Variants in MDM1 observed in about 807,000 individuals in gnomAD.
MDM1 encodes Mdm1 nuclear protein.
In MDM1, 61 loss-of-function variants were observed where a neutral mutation model predicts 89.1. That is an observed-to-expected ratio of 0.68 (90% confidence interval 0.56 to 0.85). MDM1 has a LOEUF of 0.85. Ranked by LOEUF, MDM1 falls within the 40% of genes least tolerant of loss-of-function variation. The probability of loss-of-function intolerance (pLI) is 0.00; values close to 1 mark genes in which losing one functional copy is unlikely to be tolerated. For missense variants in MDM1, 820 were observed against 846.5 expected (o/e 0.97, Z 0.39); for synonymous variants, 290 against 294.1 (o/e 0.99, Z 0.14).
Position 68,332,263 on chromosome 12 carries a change from C to T in MDM1, c.-18G>A, listed in dbSNP as rs1465171558. On this transcript the variant is annotated 5_prime_UTR_variant, in exon 1 of 15. Coordinates refer to ENST00000682720, the MANE Select transcript of MDM1 (RefSeq NM_001354969.2). ...ACCGGCATGTCGCCCGGCGCCGGAG[C>T]CCCCGCTACTCCGACAGTTAACTGG... 1 of 1,581,516 alleles carries T rather than the reference C, an allele frequency of 6.3e-7. No homozygotes were observed. Among genetic ancestry groups the T allele is most frequent in the East Asian group, 2.3e-5 (1 of 43,048 alleles).
At chr12:68,325,810 T>C (rs1875886640) in intron 3 of MDM1, 1 of 1,148,366 alleles carries the variant, frequency 8.7e-7, no homozygotes, top group African/African-American at 1.6e-5. Flanking sequence ...AAAGGACTAT[T>C]AGGCATCCCA....
At chr12:68,328,896 C>CTAAAAT (rs1876391591) in intron 2 of MDM1, among the ~76,000 whole-genome samples, 1 of 152,156 alleles carries the variant, frequency 6.6e-6, no homozygotes, top group African/African-American at 2.4e-5. Context: ...TCCCCATGAC[C>CTAAAAT]TAAAATTCCC....
At chr12:68,327,589 G>A in intron 2 of MDM1, 1 of 1,387,426 alleles carries the variant, frequency 7.2e-7, no homozygotes, top group South Asian at 1.2e-5. Context: ...GAAAGCAAAT[G>A]TCCAAAAACT....
chr12:68,299,728 G>A (rs750364055), intron 13 of MDM1, among the ~76,000 whole-genome samples: 2 of 152,178 alleles, frequency 1.3e-5, no homozygotes, highest in East Asian at 1.9e-4. Flanking sequence ...GATACTGAGG[G>A]AGAAGAAAAG....
chr12:68,312,645 C>T (rs1457916312), intron 12 of MDM1, among the ~76,000 whole-genome samples: 3 of 152,144 alleles, frequency 2.0e-5, no homozygotes, highest in Non-Finnish European at 2.9e-5. Flanking sequence ...CATGTCACTC[C>T]TCTGCCTTTC....
intron 14 of MDM1, among the ~76,000 whole-genome samples, chr12:68,296,207 A>C (rs1056251093): frequency 6.6e-6 from 1 of 152,222 alleles, no homozygotes; most frequent in Non-Finnish European, 1.5e-5. Context: ...GTCAGAATAA[A>C]AACTACAAAA....
intron 14 of MDM1, among the ~76,000 whole-genome samples, chr12:68,296,491 C>T (rs1184868985): frequency 2.0e-5 from 3 of 152,084 alleles, no homozygotes; most frequent in Admixed American, 2.0e-4. Context: ...AGCGAGACTC[C>T]GTCTCAAAAA....
intron 1 of MDM1, 36 bp from the exon 2 acceptor site, chr12:68,331,257 T>G (rs368486743): frequency 1.2e-5 from 13 of 1,096,998 alleles, no homozygotes; most frequent in Non-Finnish European, 2.8e-6. Flanking sequence ...TACAGTCCAA[T>G]TAATGAATGA....
In MDM1 at chr12:68,316,221, A is replaced by G. The variant is rs757229588; in HGVS notation, c.1068T>C (p.Tyr356=). 8.1e-6 allele frequency: 13 copies of G among 1,613,832 alleles called. No individual in the cohort carries two copies. The highest frequency in any genetic ancestry group is 2.2e-5 in the East Asian group (1 of 44,888). The change falls in exon 9 of 15, where the codon TAT becomes TAC. Residue 356 remains tyrosine (Y), a synonymous_variant. Coordinates refer to ENST00000682720, the MANE Select transcript of MDM1 (RefSeq NM_001354969.2). ...AATGCGTCCCCTGAACTCGCTTCCT[A>G]TAAAACTCAGCCTTTTCTCGGAGTT... ...VKELREKAEF[Y]RKRVQGTHFS...
rs1274147023 is a variant in MDM1, at chr12:68,295,263, A to G, written c.2166T>C (p.Gly722=). 15 of 1,610,472 alleles carry G rather than the reference A, an allele frequency of 9.3e-6. No individual in the cohort carries two copies. Among genetic ancestry groups the G allele is most frequent in the Non-Finnish European group, 1.1e-5 (13 of 1,177,730 alleles). Residue 722 remains glycine (G), a synonymous_variant, in exon 15 of 15, where the codon GGT becomes GGC. Coordinates refer to ENST00000682720, the MANE Select transcript of MDM1 (RefSeq NM_001354969.2). ...GGCAACTCAGCTAGGTTTATGTTTT[A>G]CCCCAGAAATTCTCCTTCCTTTTCT... The part of the protein sequence containing the change: ...RAKKRKENFW[G]KT
chr12:68,302,653 C>A lies in MDM1; in HGVS notation c.1969G>T (p.Gly657Cys). The A allele has an allele frequency of 4.3e-6, 7 of 1,613,406 alleles. No individual in the cohort carries two copies. Among genetic ancestry groups the A allele is most frequent in the Non-Finnish European group, 5.9e-6 (7 of 1,179,710 alleles). The change falls in exon 13 of 15, where the codon GGC becomes TGC. Residue 657 changes from glycine to cysteine, a missense_variant. By Grantham distance (159) the Gly-to-Cys change is radical (BLOSUM62 -3). Transcript: ENST00000682720. ...TGAAACTCTGGATCTCTAAGAGAGC[C>A]CTGAATTCGTCGAGAGGGATGCCAG... ...SYWHPSRRIQ[G>C]SLRDPEFQHN...
In MDM1 at chr12:68,323,435, AAC is replaced by A. The variant is rs1347336362; in HGVS notation, c.634-197_634-196del. The A allele has an allele frequency of 1.1e-5, 5 of 452,404 alleles. No homozygotes were observed. The Admixed American group carries it at 1.3e-4, about 12-fold the overall frequency. The allele number at this position is 452,404 out of a possible 1,614,324, so 28.0% of individuals were successfully genotyped here. On this transcript the variant is annotated intron_variant, in intron 4 of 14. Transcript: ENST00000682720. ...ATGTACTCATTACTATGTTTTGAAT[AAC>A]AGTTTTGTAATCAAAATATAGCTTA...
At chr12:68,325,746 C>A in intron 3 of MDM1, 171 bp from the exon 4 acceptor site, 2 of 1,240,242 alleles carry the variant, frequency 1.6e-6, no homozygotes, top group African/African-American at 1.6e-5. Context: ...CTTTCTTCAA[C>A]TTATAAATAG....
intron 12 of MDM1, 116 bp from the exon 13 acceptor site, chr12:68,302,988 GAATTTAT>G: frequency 2.3e-4 from 75 of 332,206 alleles, no homozygotes; most frequent in Non-Finnish European, 2.5e-4. Flanking sequence ...AAATATGAGA[GAATTTAT>G]GCAACATCTA....
intron 4 of MDM1, among the ~76,000 whole-genome samples, chr12:68,323,745 C>T (rs1189434306): frequency 1.3e-5 from 2 of 152,126 alleles, no homozygotes; most frequent in African/African-American, 4.8e-5. Context: ...TACTACTTCA[C>T]AATATGGTTT....
chr12:68,326,918 A>G lies in MDM1; in HGVS notation c.237T>C (p.Asn79=). ...LEWNGAISES[N]VVASPEPEAP... ...CTTCTGGTTCTGGTGATGCAACCAC[A>G]TTGCTCTCTGAGATAGCTCCATTCC... The change falls in exon 3 of 15, where the codon AAT becomes AAC. Residue 79 remains asparagine (N), a synonymous_variant. Coordinates refer to ENST00000682720, the MANE Select transcript of MDM1 (RefSeq NM_001354969.2). The G allele has an allele frequency of 6.2e-7, 1 of 1,614,106 alleles. No individual in the cohort carries two copies. Among genetic ancestry groups the G allele is most frequent in the East Asian group, 2.2e-5 (1 of 44,876 alleles).
Position 68,302,886 on chromosome 12 carries a change from A to AT in MDM1, c.1750-15_1750-14insA. ...ACGACTTTCTTTCTAAATGACAAAAAAAAAAAAAAAAAAAAGATGCCTATG... is the reference window on the plus strand; with the variant it reads ...ACGACTTTCTTTCTAAATGACAAAAATAAAAAAAAAAAAAAAGATGCCTATG... On this transcript the variant is annotated splice_polypyrimidine_tract_variant and intron_variant, in intron 12 of 14. Transcript: ENST00000682720. The AT allele has an allele frequency of 6.8e-7, 1 of 1,470,388 alleles. No individual in the cohort carries two copies. The highest frequency in any genetic ancestry group is 9.1e-7 in the Non-Finnish European group (1 of 1,100,612). The allele number at this position is 1,470,388 out of a possible 1,614,324, so 91.1% of individuals were successfully genotyped here.
rs1209794873 is a variant in MDM1 at position 68,294,585 on chromosome 12, T to C, written c.*669A>G. 6.6e-6 allele frequency: 1 copy of C among 152,248 alleles called. No homozygotes were observed. Among genetic ancestry groups the C allele is most frequent in the Admixed American group, 6.5e-5 (1 of 15,288 alleles). 9.4% of individuals were successfully genotyped at this position (152,248 alleles called of 1,614,324 possible). ...GCCAAACGCACTTGATCCATTTTTA[T>C]TTCAAAATGTCTACAAAGTTTTAAT... On this transcript the variant is annotated 3_prime_UTR_variant, in exon 15 of 15. Coordinates refer to ENST00000682720, the MANE Select transcript of MDM1 (RefSeq NM_001354969.2).
At chr12:68,299,751 G>C (rs1008310846) in intron 13 of MDM1, among the ~76,000 whole-genome samples, 3 of 152,190 alleles carry the variant, frequency 2.0e-5, no homozygotes, top group African/African-American at 7.2e-5. Flanking sequence ...TAAAAGTTTG[G>C]AAAATTCCTT....
Sources: allele counts gnomAD v4.1 joint callset (sites outside exome capture counted in the v4.1 genomes callset), GRCh38; gene constraint gnomAD v4.1.1; transcripts MANE v1.5; gene names NCBI Gene and HGNC (gene_info 2026-07-23, HGNC 2026-07-21).